Variants in ZNF385D observed in about 807,000 individuals in gnomAD.
ZNF385D encodes zinc finger protein 659.
A neutral mutation model predicts 35.8 loss-of-function variants in ZNF385D; 15 were observed. The ratio of observed to expected loss-of-function variants is 0.42; its 90% CI spans 0.28 to 0.64. The LOEUF (loss-of-function observed/expected upper bound fraction) is 0.64. Among genes scored for constraint, ZNF385D ranks in the 30% least tolerant of loss-of-function variants. ZNF385D has a pLI of 0.23. For synonymous variants in ZNF385D, 212 were observed against 186.8 expected, an observed-to-expected ratio of 1.13 and a Z score of -1.10; for missense variants, 474 against 494.6, an observed-to-expected ratio of 0.96 and a Z score of 0.39.
chr3:22,057,260 C>T (rs1006953048), intron 3 of ZNF385D, among the ~76,000 whole-genome samples: 7 of 152,108 alleles, frequency 4.6e-5, no homozygotes, highest in Admixed American at 3.3e-4. Context: ...ATAGAAATTA[C>T]AAGAATAATA....
intron 3 of ZNF385D, among the ~76,000 whole-genome samples, chr3:22,149,497 G>A (rs898354133): frequency 1.5e-4 from 23 of 152,124 alleles, no homozygotes; most frequent in African/African-American, 5.1e-4. Context: ...CAGATTGCTT[G>A]GCCTACTCCT....
At chr3:22,139,940 T>C (rs1704400518) in intron 3 of ZNF385D, among the ~76,000 whole-genome samples, 1 of 152,056 alleles carries the variant, frequency 6.6e-6, no homozygotes, top group Non-Finnish European at 1.5e-5. Flanking sequence ...ATGAAAAGAA[T>C]ATACTGACAG....
intron 3 of ZNF385D, among the ~76,000 whole-genome samples, chr3:21,905,590 C>G (rs1699642276): frequency 6.6e-6 from 1 of 151,680 alleles, no homozygotes; most frequent in South Asian, 2.1e-4. Context: ...TCCAGAGCAT[C>G]AGAAATATTA....
intron 1 of ZNF385D, among the ~76,000 whole-genome samples, chr3:21,735,164 C>G (rs2069187894): frequency 6.6e-6 from 1 of 152,160 alleles, no homozygotes; most frequent in Admixed American, 6.5e-5. Context: ...AAAGAGTCAC[C>G]TTCTTGTTCC....
intron 2 of ZNF385D, among the ~76,000 whole-genome samples, chr3:22,199,028 C>A (rs1696607105): frequency 6.6e-6 from 1 of 152,044 alleles, no homozygotes; most frequent in Admixed American, 6.6e-5. Flanking sequence ...TTGATCTTTA[C>A]AAGTATCTAT....
At chr3:22,119,235 A>G (rs1407757811) in intron 3 of ZNF385D, among the ~76,000 whole-genome samples, 1 of 152,170 alleles carries the variant, frequency 6.6e-6, no homozygotes, top group African/African-American at 2.4e-5. Context: ...GCTACTTAAC[A>G]TGGATTAAGA....
In ZNF385D at chr3:22,113,347, A is replaced by G. The variant is rs191922227; in HGVS notation, c.325+55470T>C. Among the ~76,000 whole-genome samples, 20 of 152,218 alleles carry G rather than the reference A, an allele frequency of 1.3e-4. No individual in the cohort carries two copies. In the East Asian group the frequency reaches 3.1e-3, roughly 24 times the overall value. ...GGCTTTAGGAAAGGTTCCAGTACCTAAAAATATCACTTTCAACTATACTAC... is the reference window on the plus strand; with the variant it reads ...GGCTTTAGGAAAGGTTCCAGTACCTGAAAATATCACTTTCAACTATACTAC... On this transcript the variant is annotated intron_variant, in intron 3 of 5. Coordinates refer to the ZNF385D transcript ENST00000494108.
chr3:21,668,622 C>T (rs566257095), intron 1 of ZNF385D, among the ~76,000 whole-genome samples: 5 of 152,146 alleles, frequency 3.3e-5, no homozygotes, highest in South Asian at 2.1e-4. Context: ...GGCACGAAAT[C>T]GAAGCTACTT....
chr3:21,534,006 T>A (rs1422086818), intron 3 of ZNF385D, among the ~76,000 whole-genome samples: 1 of 152,060 alleles, frequency 6.6e-6, no homozygotes, highest in Non-Finnish European at 1.5e-5. Flanking sequence ...GAAAGAAAAT[T>A]AACACTGAAT....
At chr3:22,242,106 G>A (rs1576550511) in intron 2 of ZNF385D, among the ~76,000 whole-genome samples, 1 of 150,666 alleles carries the variant, frequency 6.6e-6, no homozygotes, top group African/African-American at 2.5e-5. Flanking sequence ...GGATAGCACT[G>A]GGAGATATAC....
intron 3 of ZNF385D, among the ~76,000 whole-genome samples, chr3:22,164,044 C>T (rs1181170936): frequency 6.6e-6 from 1 of 151,994 alleles, no homozygotes; most frequent in East Asian, 1.9e-4. Context: ...AATAAGCCTG[C>T]AAAGGCACAT....
intron 3 of ZNF385D, among the ~76,000 whole-genome samples, chr3:21,816,267 C>G (rs1055119981): frequency 6.6e-6 from 1 of 152,108 alleles, no homozygotes; most frequent in Non-Finnish European, 1.5e-5. Context: ...TGAAAACTGG[C>G]ACAAGACAGG....
At chr3:22,200,554 A>G (rs1242704564) in intron 2 of ZNF385D, among the ~76,000 whole-genome samples, 1 of 152,096 alleles carries the variant, frequency 6.6e-6, no homozygotes, top group Non-Finnish European at 1.5e-5. Flanking sequence ...TAAAATTTCT[A>G]ATGAAGTTTT....
chr3:22,245,270 T>G (rs530799493), intron 2 of ZNF385D, among the ~76,000 whole-genome samples: 1 of 152,114 alleles, frequency 6.6e-6, no homozygotes, highest in African/African-American at 2.4e-5. Flanking sequence ...GACTACCACA[T>G]TGATTTATTT....
chr3:22,137,307 C>T (rs1704201419), intron 3 of ZNF385D, among the ~76,000 whole-genome samples: 2 of 152,072 alleles, frequency 1.3e-5, no homozygotes, highest in Admixed American at 1.3e-4. Flanking sequence ...GGGAATCCTC[C>T]CTAACTCATT....
intron 1 of ZNF385D, among the ~76,000 whole-genome samples, chr3:21,717,626 C>G (rs2068375406): frequency 2.0e-5 from 3 of 152,126 alleles, no homozygotes; most frequent in Non-Finnish European, 4.4e-5. Context: ...GTGGAGGGAT[C>G]CAGTGGGAGA....
At chr3:21,513,345 A>C in intron 3 of ZNF385D, among the ~76,000 whole-genome samples, 1 of 152,210 alleles carries the variant, frequency 6.6e-6, no homozygotes, top group Non-Finnish European at 1.5e-5. Context: ...ACAGGGTGAC[A>C]AAATGACCAG....
At chr3:21,583,630 A>G (rs1333527339) in intron 2 of ZNF385D, among the ~76,000 whole-genome samples, 1 of 152,090 alleles carries the variant, frequency 6.6e-6, no homozygotes, top group African/African-American at 2.4e-5. Context: ...TGAGAATTTA[A>G]TATGTATATT....
At chr3:21,700,020 C>T (rs2067621116) in intron 1 of ZNF385D, among the ~76,000 whole-genome samples, 2 of 151,790 alleles carry the variant, frequency 1.3e-5, no homozygotes, top group African/African-American at 4.8e-5. Context: ...TTAGTAGAGA[C>T]AGGGTTTCAC....
Sources: gnomAD v4.1 joint callset for allele counts (sites outside exome capture counted in the v4.1 genomes callset) on GRCh38, gnomAD v4.1.1 for gene constraint, MANE v1.5 for transcripts, NCBI Gene and HGNC (gene_info 2026-07-23, HGNC 2026-07-21) for gene names.